Variants in PPARD observed in about 807,000 individuals in gnomAD.
The protein encoded by PPARD is peroxisome proliferator-activated receptor delta.
PPARD carries 6 observed loss-of-function variants against 39.5 expected under a neutral mutation model. That is an observed-to-expected ratio of 0.15 (90% CI 0.08 to 0.30). The LOEUF (loss-of-function observed/expected upper bound fraction) is 0.30, where lower values mean the gene tolerates loss of function less well. Ranked by LOEUF, PPARD falls within the 10% of genes least tolerant of loss-of-function variation. The probability of loss-of-function intolerance (pLI) is 1.00; values close to 1 mark genes in which losing one functional copy is unlikely to be tolerated. For missense variants in PPARD, 397 were observed against 596.8 expected (o/e 0.67, Z 3.49); for synonymous variants, 210 against 231.3 (o/e 0.91, Z 0.83).
intron 2 of PPARD, among the ~76,000 whole-genome samples, chr6:35,383,390 C>G (rs1420155060): frequency 6.7e-6 from 1 of 150,270 alleles, no homozygotes; most frequent in African/African-American, 2.5e-5. Context: ...CAACCTCCAC[C>G]TCCCAGCCGC....
At chr6:35,357,534 C>T (rs1266139238) in intron 2 of PPARD, among the ~76,000 whole-genome samples, 1 of 151,628 alleles carries the variant, frequency 6.6e-6, no homozygotes, top group African/African-American at 2.4e-5. Context: ...CTCTCCACTG[C>T]CTACTTTTTT....
chr6:35,387,716 C>CTTTTTTTTTTTTTTTTTTTTTTTTT, intron 2 of PPARD, among the ~76,000 whole-genome samples: 1 of 89,358 alleles, frequency 1.1e-5, no homozygotes, highest in Non-Finnish European at 2.0e-5. Context: ...ACACTGCATT[C>CTTTTTTTTTTTTTTTTTTTTTTTTT]TTTTTTTTTT....
intron 3 of PPARD, 66 bp downstream of exon 3, chr6:35,411,283 G>T: frequency 7.4e-7 from 1 of 1,356,494 alleles, no homozygotes. Flanking sequence ...GGGGATCCTG[G>T]CCCTCTGCAA....
chr6:35,393,782 T>C (rs1425518061), intron 2 of PPARD, among the ~76,000 whole-genome samples: 1 of 152,226 alleles, frequency 6.6e-6, no homozygotes, highest in East Asian at 1.9e-4. Flanking sequence ...CTTTCCTTTC[T>C]TGGGGACTTC....
At chr6:35,344,060 T>G (rs573332380) in intron 1 of PPARD, among the ~76,000 whole-genome samples, 1 of 152,300 alleles carries the variant, frequency 6.6e-6, no homozygotes, top group South Asian at 2.1e-4. Context: ...CTGTCCCCTT[T>G]TATTATTGGT....
intron 2 of PPARD, among the ~76,000 whole-genome samples, chr6:35,394,277 C>T (rs1416153056): frequency 6.6e-6 from 1 of 152,234 alleles, no homozygotes; most frequent in Non-Finnish European, 1.5e-5. Context: ...CACGGCCATC[C>T]TGCCATGGCA....
In PPARD at chr6:35,424,983, A is replaced by G; in HGVS notation, c.1078+204A>G. On this transcript the variant is annotated intron_variant, in intron 7 of 7. Coordinates refer to ENST00000360694, the MANE Select transcript of PPARD (RefSeq NM_006238.5). This position sits in a 1 kb window ranked among gnomAD's most constrained non-coding sequence, Gnocchi z 7.1. ...ACGTAGATAGAGGTGGAGACAGGAA[A>G]AAGACTAAGCCAGACGTGGTGGCTC... 7.0e-7 allele frequency: 1 copy of G among 1,419,260 alleles called. No homozygotes were observed. Among genetic ancestry groups the G allele is most frequent in the African/African-American group, 1.4e-5 (1 of 69,494 alleles). 87.9% of individuals were successfully genotyped at this position (1,419,260 alleles called of 1,614,324 possible).
chr6:35,382,933 T>A, intron 2 of PPARD, among the ~76,000 whole-genome samples: 1 of 152,230 alleles, frequency 6.6e-6, no homozygotes, highest in Non-Finnish European at 1.5e-5. Context: ...TTATTATTAG[T>A]GCTACTGGTA....
Position 35,424,989 on chromosome 6 carries a change from T to C in PPARD, c.1078+210T>C. On this transcript the variant is annotated intron_variant, in intron 7 of 7. Coordinates refer to ENST00000360694, the MANE Select transcript of PPARD (RefSeq NM_006238.5). The surrounding 1 kb of genome is among the most constrained non-coding windows in gnomAD (Gnocchi z 7.1). ...ATAGAGGTGGAGACAGGAAAAAGACTAAGCCAGACGTGGTGGCTCACACCT... is the reference window on the plus strand; with the variant it reads ...ATAGAGGTGGAGACAGGAAAAAGACCAAGCCAGACGTGGTGGCTCACACCT... 1 of 1,412,504 alleles carries C rather than the reference T, an allele frequency of 7.1e-7. No homozygotes were observed. Among genetic ancestry groups the C allele is most frequent in the Non-Finnish European group, 9.2e-7 (1 of 1,086,012 alleles). The allele number at this position is 1,412,504 out of a possible 1,614,324, so 87.5% of individuals were successfully genotyped here.
At chr6:35,395,175 A>T (rs1278698192) in intron 2 of PPARD, among the ~76,000 whole-genome samples, 3 of 152,204 alleles carry the variant, frequency 2.0e-5, no homozygotes, top group African/African-American at 7.2e-5. Context: ...CTGCTTGAGG[A>T]AAGCCCCTGA....
At chr6:35,347,684 C>T (rs1355902308) in intron 2 of PPARD, among the ~76,000 whole-genome samples, 3 of 152,064 alleles carry the variant, frequency 2.0e-5, no homozygotes, top group Non-Finnish European at 4.4e-5. Flanking sequence ...TCTTGGCTCA[C>T]TGCCACCTCC....
intron 2 of PPARD, among the ~76,000 whole-genome samples, chr6:35,396,753 C>A (rs1764351085): frequency 6.6e-6 from 1 of 151,876 alleles, no homozygotes; most frequent in African/African-American, 2.4e-5. Context: ...TCGCTTTAAC[C>A]CAGGAGGCAG....
rs1304378938 is a variant in PPARD at position 35,407,861 on chromosome 6, G to A, written c.-101-3126G>A. Among the ~76,000 whole-genome samples, 10 of 149,770 alleles carry A rather than the reference G, an allele frequency of 6.7e-5. 1 individual carries two copies. On this transcript the variant is annotated intron_variant, in intron 2 of 7. Transcript: ENST00000360694. Reference sequence around the variant, plus strand: ...CACACTGCTGTTGGTAATTGCTAGGGTCCTTTTTCCAGTATTGTGGCCAAC... The same window carrying A: ...CACACTGCTGTTGGTAATTGCTAGGATCCTTTTTCCAGTATTGTGGCCAAC...
intron 2 of PPARD, among the ~76,000 whole-genome samples, chr6:35,407,644 C>G (rs1765142157): frequency 6.6e-6 from 1 of 150,384 alleles, no homozygotes; most frequent in South Asian, 2.1e-4. Flanking sequence ...CACATGTACC[C>G]TAAAACTTAA....
intron 2 of PPARD, among the ~76,000 whole-genome samples, chr6:35,360,265 T>C (rs754483182): frequency 1.3e-5 from 2 of 152,050 alleles, no homozygotes; most frequent in Non-Finnish European, 2.9e-5. Context: ...AAAAAAAATC[T>C]CTGCTGTGAT....
At chr6:35,393,217 C>T (rs931708110) in intron 2 of PPARD, among the ~76,000 whole-genome samples, 1 of 152,170 alleles carries the variant, frequency 6.6e-6, no homozygotes, top group African/African-American at 2.4e-5. Flanking sequence ...AGGGCTCTGG[C>T]AGCCAAGTGG....
intron 2 of PPARD, among the ~76,000 whole-genome samples, chr6:35,398,997 C>G (rs754793834): frequency 6.6e-6 from 1 of 151,992 alleles, no homozygotes; most frequent in Non-Finnish European, 1.5e-5. Context: ...TGTCTGTAGT[C>G]CCAGCTATGG....
At chr6:35,423,882 TG>T in intron 5 of PPARD, 63 bp from the exon 6 acceptor site, 6 of 1,534,266 alleles carry the variant, frequency 3.9e-6, no homozygotes, top group Non-Finnish European at 5.4e-6. Context: ...TGTAAAGGGA[TG>T]GGGATGTCAG....
rs940404248 is a variant in PPARD at position 35,366,664 on chromosome 6, C to T, written c.-102+19514C>T. On this transcript the variant is annotated intron_variant, in intron 2 of 7. Coordinates refer to ENST00000360694, the MANE Select transcript of PPARD (RefSeq NM_006238.5). The surrounding 1 kb of genome is among the most constrained non-coding windows in gnomAD (Gnocchi z 4.6). Reference sequence around the variant, plus strand: ...TCCCGGGTTCAAGCAATTCTAGTGCCTCAGCCTCCTTAGTGGCTGTGACTA... The same window carrying T: ...TCCCGGGTTCAAGCAATTCTAGTGCTTCAGCCTCCTTAGTGGCTGTGACTA... 6.6e-6 allele frequency among the ~76,000 whole-genome samples: 1 copy of T among 151,986 alleles called. No homozygotes were observed. Among genetic ancestry groups the T allele is most frequent in the Non-Finnish European group, 1.5e-5 (1 of 68,014 alleles).
Sources: allele counts gnomAD v4.1 joint callset (sites outside exome capture counted in the v4.1 genomes callset), GRCh38; gene constraint gnomAD v4.1.1; non-coding constraint Gnocchi (gnomAD v3.1); transcripts MANE v1.5; gene names NCBI Gene and HGNC (gene_info 2026-07-23, HGNC 2026-07-21).